The following LHFPL4 variants were observed in gnomAD, a reference collection of about 807,000 sequenced individuals.
LHFPL4 encodes the protein LHFPL tetraspan subfamily member 4.
Under a neutral mutation model 20.0 loss-of-function variants are expected in LHFPL4, and 6 were observed. The ratio of observed to expected loss-of-function variants is 0.30; its 90% CI spans 0.16 to 0.59. The LOEUF is 0.59. LHFPL4 is among the 20% of genes least tolerant of loss of function. The pLI is 0.88. For synonymous variants in LHFPL4, 129 were observed against 143.8 expected (o/e 0.90, Z 0.74); for missense variants, 215 against 331.2 (o/e 0.65, Z 2.72).
chr3:9,543,431 C>T (rs931433031), intron 2 of LHFPL4, among the ~76,000 whole-genome samples: 37 of 151,260 alleles, frequency 2.4e-4, no homozygotes, highest in Middle Eastern at 3.2e-3. Flanking sequence ...ACCCAGGAGG[C>T]GGAGCTTGCA....
At chr3:9,505,866 C>T in intron 3 of LHFPL4, 101 bp downstream of exon 3, 2 of 1,171,972 alleles carry the variant, frequency 1.7e-6, no homozygotes, top group Admixed American at 1.8e-5. Context: ...GCCAGGGTTT[C>T]CAATTCATGC....
intron 2 of LHFPL4, among the ~76,000 whole-genome samples, chr3:9,549,605 G>A (rs2046539971): frequency 1.3e-5 from 2 of 152,320 alleles, no homozygotes; most frequent in East Asian, 3.9e-4. Flanking sequence ...GCTGAGGCAG[G>A]AGAATCACTT....
In LHFPL4 at chr3:9,509,247, CT is replaced by C. The variant is rs1215627781; in HGVS notation, c.407-3045del. ...CCTTTTCATCTTTCTTCGCACCCCC[CT>C]CTCTCTCTCTCTGGCTTGTCTACCT... On this transcript the variant is annotated intron_variant, in intron 2 of 3. Coordinates refer to ENST00000287585, the MANE Select transcript of LHFPL4 (RefSeq NM_198560.3). Among the ~76,000 whole-genome samples, 119 of 125,904 alleles carry C rather than the reference CT, an allele frequency of 9.5e-4. 7 individuals carry two copies. Among genetic ancestry groups the C allele is most frequent in the African/African-American group, 2.2e-3 (74 of 33,982 alleles). 82.6% of individuals were successfully genotyped at this position (125,904 alleles called of 152,430 possible).
At chr3:9,524,435 G>A (rs2046360867) in intron 2 of LHFPL4, among the ~76,000 whole-genome samples, 1 of 151,926 alleles carries the variant, frequency 6.6e-6, no homozygotes, top group Non-Finnish European at 1.5e-5. Context: ...TTGTTTGTTA[G>A]TTTGTTTTAG....
intron 2 of LHFPL4, among the ~76,000 whole-genome samples, chr3:9,535,727 C>T (rs1386709321): frequency 6.6e-6 from 1 of 152,122 alleles, no homozygotes; most frequent in Non-Finnish European, 1.5e-5. Context: ...TGAGGGGAGT[C>T]CAGTGAATGA....
At chr3:9,513,331 G>A (rs1410471170) in intron 2 of LHFPL4, among the ~76,000 whole-genome samples, 2 of 151,400 alleles carry the variant, frequency 1.3e-5, no homozygotes, top group Admixed American at 1.3e-4. Context: ...TTGTTTTTGC[G>A]ACAGGTCTTG....
intron 2 of LHFPL4, among the ~76,000 whole-genome samples, chr3:9,546,151 T>TA (rs1483511068): frequency 6.6e-6 from 1 of 151,042 alleles, no homozygotes; most frequent in Non-Finnish European, 1.5e-5. Flanking sequence ...CTGTCTCTAC[T>TA]AAAAATACAA....
At chr3:9,530,082 T>C (rs1307194934) in intron 2 of LHFPL4, among the ~76,000 whole-genome samples, 2 of 152,114 alleles carry the variant, frequency 1.3e-5, no homozygotes, top group Non-Finnish European at 2.9e-5. Flanking sequence ...TTAAGGGCCC[T>C]AGAATTTTCA....
chr3:9,517,797 TTTTG>T (rs1352263893), intron 2 of LHFPL4, among the ~76,000 whole-genome samples: 7 of 125,994 alleles, frequency 5.6e-5, no homozygotes, highest in Non-Finnish European at 9.1e-5. Flanking sequence ...GGTTGGGTTT[TTTTG>T]TTTTTTGTTT....
At chr3:9,510,673 C>G (rs1187797738) in intron 2 of LHFPL4, among the ~76,000 whole-genome samples, 2 of 152,138 alleles carry the variant, frequency 1.3e-5, no homozygotes, top group Non-Finnish European at 2.9e-5. Flanking sequence ...CGCGATGGCT[C>G]ATGCCTGTAA....
chr3:9,525,722 A>C (rs139889441), intron 2 of LHFPL4, among the ~76,000 whole-genome samples: 1 of 152,380 alleles, frequency 6.6e-6, no homozygotes, highest in Admixed American at 6.5e-5. Context: ...CATCTGAAAA[A>C]AAGCAATCAT....
chr3:9,510,963 TA>T (rs2046255481), intron 2 of LHFPL4, among the ~76,000 whole-genome samples: 1 of 150,750 alleles, frequency 6.6e-6, no homozygotes, highest in Non-Finnish European at 1.5e-5. Context: ...AATAAATAAA[TA>T]AATAAATAAA....
In LHFPL4 at chr3:9,506,333, A is replaced by C. The variant is rs2125655352; in HGVS notation, c.407-130T>G. The C allele has an allele frequency of 1.4e-6, 1 of 692,504 alleles. No individual in the cohort carries two copies. The allele number at this position is 692,504 out of a possible 1,614,324, so 42.9% of individuals were successfully genotyped here. ...CAACCCAACCACGTGCTTGTTACCC[A>C]CTTCCACAGAGGGAGAAAGAGAGGG... On this transcript the variant is annotated intron_variant, in intron 2 of 3. Coordinates refer to ENST00000287585, the MANE Select transcript of LHFPL4 (RefSeq NM_198560.3). This position sits in a 1 kb window ranked among gnomAD's most constrained non-coding sequence, Gnocchi z 4.5.
At chr3:9,536,212 A>T (rs902039033) in intron 2 of LHFPL4, among the ~76,000 whole-genome samples, 3 of 152,166 alleles carry the variant, frequency 2.0e-5, no homozygotes, top group Non-Finnish European at 2.9e-5. Context: ...TGGGTTGGAG[A>T]TGCCTGTCCA....
intron 2 of LHFPL4, among the ~76,000 whole-genome samples, chr3:9,512,346 G>A (rs932439013): frequency 9.2e-5 from 14 of 152,216 alleles, no homozygotes; most frequent in Non-Finnish European, 4.4e-5. Flanking sequence ...AGAATCAAAT[G>A]GGAGCTGAGA....
intron 3 of LHFPL4, among the ~76,000 whole-genome samples, chr3:9,502,750 C>T (rs1344846284): frequency 3.0e-4 from 45 of 151,636 alleles, no homozygotes; most frequent in South Asian, 2.1e-4. Context: ...ACTGCACAAG[C>T]GCTGAAATCC....
At chr3:9,538,905 G>T (rs1350070428) in intron 2 of LHFPL4, among the ~76,000 whole-genome samples, 1 of 151,726 alleles carries the variant, frequency 6.6e-6, no homozygotes, top group African/African-American at 2.4e-5. Flanking sequence ...TCACCACATT[G>T]GCCAGGCTGG....
At chr3:9,534,208 C>G (rs1283043341) in intron 2 of LHFPL4, among the ~76,000 whole-genome samples, 1 of 150,328 alleles carries the variant, frequency 6.7e-6, no homozygotes. Context: ...CAGAGCAAGA[C>G]CTTTTCTTAA....
At chr3:9,516,068 C>T (rs539174286) in intron 2 of LHFPL4, among the ~76,000 whole-genome samples, 2 of 152,314 alleles carry the variant, frequency 1.3e-5, no homozygotes, top group African/African-American at 4.8e-5. Flanking sequence ...TCTTTTCATT[C>T]TCTTGACTGT....
Sources: gnomAD v4.1 joint callset for allele counts (sites outside exome capture counted in the v4.1 genomes callset) on GRCh38, gnomAD v4.1.1 for gene constraint, Gnocchi (gnomAD v3.1) non-coding constraint, MANE v1.5 for transcripts, NCBI Gene and HGNC (gene_info 2026-07-23, HGNC 2026-07-21) for gene names.